Variants in ZNF609 observed in about 807,000 individuals in gnomAD.
ZNF609 encodes the protein zinc finger protein 609.
A neutral mutation model predicts 109.5 loss-of-function variants in ZNF609; 11 were observed. The observed-to-expected ratio is 0.10, with a 90% CI of 0.06 to 0.17. The LOEUF (loss-of-function observed/expected upper bound fraction) is 0.17. ZNF609 is among the 10% of genes least tolerant of loss of function. The probability of loss-of-function intolerance (pLI) is 1.00; values close to 1 mark genes in which losing one functional copy is unlikely to be tolerated. For missense variants in ZNF609, 1,559 were observed against 1,772.4 expected (o/e 0.88, Z 2.16); for synonymous variants, 646 against 662.0 (o/e 0.98, Z 0.37).
intron 3 of ZNF609, among the ~76,000 whole-genome samples, chr15:64,644,968 CTTCT>C (rs1189583672): frequency 4.9e-4 from 68 of 139,698 alleles, no homozygotes; most frequent in African/African-American, 9.8e-4. Context: ...CTTTTCTTTT[CTTCT>C]TTCTTTCTTT....
intron 2 of ZNF609, among the ~76,000 whole-genome samples, chr15:64,505,056 C>A (rs984291120): frequency 6.6e-6 from 1 of 152,188 alleles, no homozygotes; most frequent in African/African-American, 2.4e-5. Context: ...TTGTTTTTCA[C>A]AGTGACTTTA....
chr15:64,482,497 G>A (rs1596379101), intron 1 of ZNF609, among the ~76,000 whole-genome samples: 1 of 152,062 alleles, frequency 6.6e-6, no homozygotes, highest in African/African-American at 2.4e-5. Flanking sequence ...CTTAGTGAAA[G>A]TATAGTACCT....
intron 1 of ZNF609, among the ~76,000 whole-genome samples, chr15:64,483,220 T>C (rs1218294613): frequency 1.3e-5 from 2 of 152,046 alleles, no homozygotes; most frequent in African/African-American, 4.8e-5. Flanking sequence ...CTCAGCCTCC[T>C]GAGTTGCTGG....
chr15:64,669,285 T>G (rs567055278), intron 3 of ZNF609, among the ~76,000 whole-genome samples: 1 of 152,210 alleles, frequency 6.6e-6, no homozygotes, highest in African/African-American at 2.4e-5. Context: ...TTGCAGTTTA[T>G]TTGTAATAGC....
chr15:64,545,388 G>T (rs1237431735), intron 2 of ZNF609, among the ~76,000 whole-genome samples: 2 of 152,006 alleles, frequency 1.3e-5, no homozygotes, highest in Admixed American at 1.3e-4. Context: ...TTGTAGAGAT[G>T]GGGTTTCACC....
At chr15:64,492,450 GA>G (rs958902302) in intron 1 of ZNF609, among the ~76,000 whole-genome samples, 1 of 152,154 alleles carries the variant, frequency 6.6e-6, no homozygotes, top group African/African-American at 2.4e-5. Flanking sequence ...GATGCCTTGT[GA>G]AAGGTAGAAC....
chr15:64,591,343 G>A (rs1166430186), intron 2 of ZNF609, among the ~76,000 whole-genome samples: 22 of 152,032 alleles, frequency 1.4e-4, no homozygotes. Context: ...CAGGAGAATC[G>A]CTTGAACCCA....
chr15:64,506,494 G>A (rs1893639958), intron 2 of ZNF609, among the ~76,000 whole-genome samples: 1 of 150,598 alleles, frequency 6.6e-6, no homozygotes, highest in Non-Finnish European at 1.5e-5. Flanking sequence ...GCCAAGGCGG[G>A]TGGATCACCT....
At chr15:64,671,956 T>C (rs1452615765) in intron 4 of ZNF609, among the ~76,000 whole-genome samples, 1 of 151,882 alleles carries the variant, frequency 6.6e-6, no homozygotes, top group African/African-American at 2.4e-5. Flanking sequence ...GAGGGCTATT[T>C]ATGCCTCTTA....
intron 2 of ZNF609, among the ~76,000 whole-genome samples, chr15:64,563,410 C>T (rs1259574811): frequency 1.3e-5 from 2 of 150,916 alleles, no homozygotes; most frequent in Non-Finnish European, 3.0e-5. Flanking sequence ...ATGATCGCAT[C>T]ACTGCACTCC....
At chr15:64,627,024 C>A (rs545230423) in intron 3 of ZNF609, among the ~76,000 whole-genome samples, 1 of 152,176 alleles carries the variant, frequency 6.6e-6, no homozygotes, top group African/African-American at 2.4e-5. Flanking sequence ...GCCTGGCCAA[C>A]ATGGCAAAAC....
chr15:64,525,347 C>T (rs1893954858), intron 2 of ZNF609, among the ~76,000 whole-genome samples: 1 of 152,196 alleles, frequency 6.6e-6, no homozygotes, highest in Non-Finnish European at 1.5e-5. Context: ...TCTTACCCCA[C>T]ATTGAATTTT....
intron 3 of ZNF609, among the ~76,000 whole-genome samples, chr15:64,633,703 T>G (rs1896121935): frequency 6.6e-6 from 1 of 152,104 alleles, no homozygotes; most frequent in African/African-American, 2.4e-5. Context: ...GCCCAAAATA[T>G]TTGTTATCTG....
chr15:64,530,034 G>T (rs1894035577), intron 2 of ZNF609, among the ~76,000 whole-genome samples: 3 of 150,894 alleles, frequency 2.0e-5, no homozygotes, highest in Admixed American at 1.3e-4. Flanking sequence ...CCTGGCCTTG[G>T]TTTTTTTTTA....
chr15:64,579,709 CA>C (rs34816803), intron 2 of ZNF609, among the ~76,000 whole-genome samples: 3 of 146,964 alleles, frequency 2.0e-5, no homozygotes, highest in East Asian at 2.0e-4. Flanking sequence ...AACAAACAAA[CA>C]AAAAAAAAAA....
At chr15:64,652,860 C>G (rs1896439080) in intron 3 of ZNF609, 1 of 152,874 alleles carries the variant, frequency 6.5e-6, no homozygotes. Flanking sequence ...ATCATTATGC[C>G]ATATTACCTA....
intron 2 of ZNF609, among the ~76,000 whole-genome samples, chr15:64,545,226 C>T (rs1204080096): frequency 6.6e-6 from 1 of 151,334 alleles, no homozygotes; most frequent in Non-Finnish European, 1.5e-5. Context: ...GAGACAGGGT[C>T]TAGCTCTGTA....
intron 3 of ZNF609, among the ~76,000 whole-genome samples, chr15:64,630,883 T>C (rs746127535): frequency 1.3e-5 from 2 of 152,254 alleles, no homozygotes; most frequent in South Asian, 4.1e-4. Flanking sequence ...TCATAAATAA[T>C]ATTTGGCTGT....
intron 1 of ZNF609, among the ~76,000 whole-genome samples, chr15:64,495,752 T>C (rs960900598): frequency 1.3e-4 from 18 of 134,534 alleles, no homozygotes; most frequent in Non-Finnish European, 2.5e-4. Flanking sequence ...TCCTTGTATC[T>C]TTTTTTTTTT....
Sources: allele counts gnomAD v4.1 joint callset (sites outside exome capture counted in the v4.1 genomes callset), GRCh38; gene constraint gnomAD v4.1.1; transcripts MANE v1.5; gene names NCBI Gene and HGNC (gene_info 2026-07-23, HGNC 2026-07-21).